The following NMBR variants were observed in gnomAD, a reference collection of about 807,000 sequenced individuals.
NMBR encodes neuromedin B receptor.
A neutral mutation model predicts 20.5 loss-of-function variants in NMBR; 16 were observed. The ratio of observed to expected loss-of-function variants is 0.78; its 90% confidence interval spans 0.53 to 1.19. NMBR has a LOEUF of 1.19. NMBR is among the 50% of genes most tolerant of loss of function. NMBR has a pLI of 0.00. For synonymous variants in NMBR, 212 were observed against 196.6 expected, an observed-to-expected ratio of 1.08 and a Z score of -0.65; for missense variants, 582 against 499.1, an observed-to-expected ratio of 1.17 and a Z score of -1.58.
chr6:142,107,337 C>A (rs761469009), intron 1 of NMBR, among the ~76,000 whole-genome samples: 1 of 152,042 alleles, frequency 6.6e-6, no homozygotes, highest in Non-Finnish European at 1.5e-5. Context: ...AATTAATGCC[C>A]CCAAGGCACT....
chr6:142,096,353 T>A (rs1237855882), intron 1 of NMBR, among the ~76,000 whole-genome samples: 1 of 152,194 alleles, frequency 6.6e-6, no homozygotes, highest in Admixed American at 6.5e-5. Flanking sequence ...GTATGCTGTG[T>A]CTTTGTTCTC....
rs1777258844 is a variant in NMBR at position 142,088,789 on chromosome 6, C to T, written c.-131G>A. The stretch of plus-strand genomic sequence containing the variant: ...GCAAGTTTACTGTCCGCGGGGCAAG[C>T]CTCACAGCACCACGTCCCTAAGAGT... On this transcript the variant is annotated 5_prime_UTR_variant, in exon 2 of 4. Transcript: ENST00000258042. The T allele has an allele frequency of 1.3e-6, 1 of 761,388 alleles. No homozygotes were observed. The highest frequency in any genetic ancestry group is 2.7e-5 in the East Asian group (1 of 37,052). The allele number at this position is 761,388 out of a possible 1,614,324, so 47.2% of individuals were successfully genotyped here. A position where few individuals can be genotyped will look rare whatever the true frequency, so the allele number is the denominator to read the frequency against.
intron 1 of NMBR, among the ~76,000 whole-genome samples, chr6:142,112,863 TATG>T (rs1284179902): frequency 3.9e-5 from 5 of 128,690 alleles, no homozygotes; most frequent in African/African-American, 1.3e-4. Context: ...TTTATATAAA[TATG>T]ATAATTAATT....
At chr6:142,123,756 G>C (rs1467359501) in intron 1 of NMBR, among the ~76,000 whole-genome samples, 1 of 151,938 alleles carries the variant, frequency 6.6e-6, no homozygotes, top group African/African-American at 2.4e-5. Flanking sequence ...TGACCCTGTA[G>C]CAAAAAGCAA....
chr6:142,137,258 T>C (rs1203960825), intron 1 of NMBR, among the ~76,000 whole-genome samples: 4 of 152,208 alleles, frequency 2.6e-5, no homozygotes, highest in African/African-American at 7.2e-5. Flanking sequence ...TTTGAAGCAA[T>C]TGTGAATGGG....
At chr6:142,132,029 C>T (rs1778151996) in intron 1 of NMBR, among the ~76,000 whole-genome samples, 1 of 152,188 alleles carries the variant, frequency 6.6e-6, no homozygotes, top group Admixed American at 6.5e-5. Context: ...TATCTCTTAT[C>T]TAACCATTCT....
intron 1 of NMBR, among the ~76,000 whole-genome samples, chr6:142,125,953 T>G (rs998243219): frequency 6.6e-6 from 1 of 151,776 alleles, no homozygotes; most frequent in African/African-American, 2.4e-5. Flanking sequence ...CAATACGGTA[T>G]TGTTAAACTA....
intron 1 of NMBR, among the ~76,000 whole-genome samples, chr6:142,109,241 A>G (rs536467025): frequency 6.6e-6 from 1 of 152,136 alleles, no homozygotes; most frequent in Non-Finnish European, 1.5e-5. Context: ...AGTTCCATTA[A>G]GCAATACCCC....
chr6:142,078,936 A>C, intron 2 of NMBR, 33 bp from the exon 3 acceptor site: 1 of 1,376,494 alleles, frequency 7.3e-7, no homozygotes, highest in Non-Finnish European at 9.9e-7. Context: ...GTTATTCCAG[A>C]AAGAAAGGAA....
chr6:142,101,932 G>C (rs556288055), intron 1 of NMBR, among the ~76,000 whole-genome samples: 1 of 152,162 alleles, frequency 6.6e-6, no homozygotes, highest in South Asian at 2.1e-4. Flanking sequence ...TCTAAAGATG[G>C]CTGCATGCAA....
intron 2 of NMBR, among the ~76,000 whole-genome samples, chr6:142,087,294 C>T (rs1414526272): frequency 3.9e-5 from 6 of 152,270 alleles, no homozygotes; most frequent in South Asian, 4.1e-4. Flanking sequence ...CCTTAATTAT[C>T]CAAGTTAATT....
At chr6:142,134,591 C>A in intron 1 of NMBR, 2 of 651,306 alleles carry the variant, frequency 3.1e-6, no homozygotes, top group Admixed American at 2.6e-5. Context: ...CACCTTTATG[C>A]TGCATGTAAA....
intron 1 of NMBR, chr6:142,134,054 T>A: frequency 1.5e-6 from 1 of 665,464 alleles, no homozygotes; most frequent in Non-Finnish European, 2.8e-6. Context: ...TGTGTGCACA[T>A]AAACATTAAC....
At chr6:142,125,080 G>C (rs779449985) in intron 1 of NMBR, among the ~76,000 whole-genome samples, 39 of 151,858 alleles carry the variant, frequency 2.6e-4, no homozygotes, top group Non-Finnish European at 5.3e-4. Flanking sequence ...TCAGAAAGAT[G>C]TGAATTGGCT....
chr6:142,080,444 A>G (rs1371817947), intron 2 of NMBR, among the ~76,000 whole-genome samples: 1 of 150,628 alleles, frequency 6.6e-6, no homozygotes. Flanking sequence ...CCAAGTAGCT[A>G]GGACTACAGG....
At chr6:142,101,781 A>G (rs1428028673) in intron 1 of NMBR, among the ~76,000 whole-genome samples, 3 of 152,092 alleles carry the variant, frequency 2.0e-5, no homozygotes, top group African/African-American at 7.2e-5. Context: ...AATGACCAAA[A>G]CTTCAGGCCT....
chr6:142,129,250 C>T (rs225602), intron 1 of NMBR, among the ~76,000 whole-genome samples: 53,377 of 151,458 alleles, frequency 0.35, 10,669 homozygotes, highest in Middle Eastern at 0.52. Context: ...TAATAAATGT[C>T]AGCAACTTTT....
At chr6:142,080,999 G>A (rs1404620635) in intron 2 of NMBR, among the ~76,000 whole-genome samples, 1 of 152,176 alleles carries the variant, frequency 6.6e-6, no homozygotes, top group Non-Finnish European at 1.5e-5. Flanking sequence ...CATATACTGG[G>A]CAGCTTATAA....
In NMBR at chr6:142,118,188, C is replaced by T. The variant is rs749544349; in HGVS notation, c.-664+28856G>A. ...GTTCTGGTGCCATAATGTTCATTAA[C>T]TCCTTTGGTATTAAAGTGATTGGAA... On this transcript the variant is annotated intron_variant, in intron 1 of 3. Transcript: ENST00000258042. 3.9e-5 allele frequency among the ~76,000 whole-genome samples: 6 copies of T among 152,048 alleles called. No individual in the cohort carries two copies. In the South Asian group the frequency reaches 1.0e-3, roughly 26 times the overall value.
Sources: allele counts gnomAD v4.1 joint callset (sites outside exome capture counted in the v4.1 genomes callset), GRCh38; gene constraint gnomAD v4.1.1; transcripts MANE v1.5; gene names NCBI Gene and HGNC (gene_info 2026-07-23, HGNC 2026-07-21).